The following MSLN variants were observed in gnomAD, a reference collection of about 807,000 sequenced individuals.
MSLN encodes the protein CAK1 antigen.
A neutral mutation model predicts 72.6 loss-of-function variants in MSLN; 82 were observed. That is an observed-to-expected ratio of 1.13 (90% confidence interval 0.94 to 1.36). The LOEUF is 1.36. MSLN is among the 40% of genes most tolerant of loss of function. The pLI is 0.00. For synonymous variants in MSLN, 456 were observed against 387.3 expected (o/e 1.18, Z -2.08); for missense variants, 1,005 against 847.9 (o/e 1.19, Z -2.30).
In MSLN at chr16:765,335, C is replaced by T. The variant is rs769164156; in HGVS notation, c.704+32C>T. ...GAAGGTGTCTGGAACCTCGAAGGCTCACCTGGCGGCGTGGTATCAGCAGCG... is the reference window on the plus strand; with the variant it reads ...GAAGGTGTCTGGAACCTCGAAGGCTTACCTGGCGGCGTGGTATCAGCAGCG... On this transcript the variant is annotated intron_variant, in intron 9 of 17. Coordinates refer to ENST00000545450, the MANE Select transcript of MSLN (RefSeq NM_005823.6). 11 of 1,519,406 alleles carry T rather than the reference C, an allele frequency of 7.2e-6. No homozygotes were observed. The African/African-American group carries it at 1.2e-4, about 17-fold the overall frequency. 94.1% of individuals were successfully genotyped at this position (1,519,406 alleles called of 1,614,324 possible).
chr16:767,276 A>G, intron 15 of MSLN, 100 bp from the exon 16 acceptor site: 2 of 1,199,764 alleles, frequency 1.7e-6, no homozygotes, highest in South Asian at 1.2e-5. Context: ...CTAAGGAAAA[A>G]GGGAAGCCCT....
intron 5 of MSLN, 63 bp downstream of exon 5, chr16:763,754 G>GCCCT: frequency 9.2e-6 from 5 of 546,266 alleles, no homozygotes; most frequent in Non-Finnish European, 1.1e-5. Context: ...GACTGAGGGT[G>GCCCT]GGCAGGGCAC....
chr16:763,001 G>T (rs2041555382), intron 3 of MSLN, among the ~76,000 whole-genome samples: 1 of 152,214 alleles, frequency 6.6e-6, no homozygotes, highest in Non-Finnish European at 1.5e-5. Context: ...CGGCCAAGCA[G>T]CCGGGTCTCA....
In MSLN at chr16:764,064, T is replaced by C. The variant is rs771023226; in HGVS notation, c.221T>C (p.Val74Ala). ...RQLLGFPCAE[V>A]SGLSTERVRE... ...CTCCTTGGCTTCCCGTGTGCGGAGG[T>C]GTCCGGCCTGAGCACGGAGCGTGTC... The change falls in exon 6 of 18, where the codon GTG becomes GCG. Residue 74 changes from valine to alanine, a missense_variant. Physicochemically the swap from Val to Ala is moderately conservative, Grantham distance 64. Coordinates refer to ENST00000545450, the MANE Select transcript of MSLN (RefSeq NM_005823.6). The C allele has an allele frequency of 1.9e-6, 3 of 1,605,230 alleles. No homozygotes were observed. In the African/African-American group the frequency reaches 4.0e-5, roughly 21 times the overall value.
chr16:764,364 T>C (rs1204871130), intron 6 of MSLN, among the ~76,000 whole-genome samples: 14 of 152,192 alleles, frequency 9.2e-5, no homozygotes, highest in African/African-American at 4.8e-5. Flanking sequence ...TATGACGCTG[T>C]GTGCTGGGCC....
At chr16:768,042 A>G (rs868762429) in intron 16 of MSLN, among the ~76,000 whole-genome samples, 23 of 32,610 alleles carry the variant, frequency 7.1e-4, no homozygotes, top group South Asian at 1.7e-3. Flanking sequence ...GGGCGCGTGG[A>G]GGGGGCGCGT....
chr16:763,403 C>T (rs1418922056), intron 4 of MSLN, 127 bp downstream of exon 4: 3 of 914,282 alleles, frequency 3.3e-6, no homozygotes, highest in Non-Finnish European at 5.0e-6. Flanking sequence ...CAAAGGGGCA[C>T]CTGGACCTGC....
At chr16:768,258 C>T in intron 16 of MSLN, 121 bp from the exon 17 acceptor site, 1 of 1,031,688 alleles carries the variant, frequency 9.7e-7, no homozygotes, top group Non-Finnish European at 1.4e-6. Flanking sequence ...CCTCCGAAGT[C>T]TGGAGAGGCT....
rs780605061 is a variant in MSLN at position 766,793 on chromosome 16, G to GC, written c.1362dup (p.Ser455GlnfsTer15). On this transcript the variant is annotated frameshift_variant, in exon 14 of 18. Transcript: ENST00000545450. LOFTEE classifies it high-confidence loss of function. ...TCAGCCCCGAGGAGCTGAGCTCCGT[G>GC]CCCCCCAGCAGCATCTGGTGAGTCC... The GC allele has an allele frequency of 1.9e-6, 3 of 1,612,364 alleles. No individual in the cohort carries two copies. The highest frequency in any genetic ancestry group is 1.7e-5 in the Admixed American group (1 of 59,996).
chr16:763,178 G>T, intron 3 of MSLN, 55 bp from the exon 4 acceptor site: 1 of 1,247,958 alleles, frequency 8.0e-7, no homozygotes, highest in Non-Finnish European at 1.1e-6. Flanking sequence ...CCCTGGGTCA[G>T]GGCACAGCCC....
chr16:764,954 G>A lies in MSLN; in HGVS notation c.428G>A (p.Arg143His), dbSNP rs147793202. The A allele has an allele frequency of 6.6e-5, 107 of 1,612,396 alleles. No individual in the cohort carries two copies. Among genetic ancestry groups the A allele is most frequent in the East Asian group, 2.7e-4 (12 of 44,878 alleles). The change falls in exon 8 of 18, where the codon CGC (arginine) becomes CAC (histidine). Residue 143 changes from arginine (R) to histidine (H), a missense_variant. Coordinates refer to ENST00000545450, the MANE Select transcript of MSLN (RefSeq NM_005823.6). Reference sequence around the variant, plus strand: ...CAGGCCTGCACCCGTTTCTTCTCCCGCATCACGAAGGCCAATGTGGACCTG... The same window carrying A: ...CAGGCCTGCACCCGTTTCTTCTCCCACATCACGAAGGCCAATGTGGACCTG... ...GPQACTRFFS[R>H]ITKANVDLLP...
In MSLN at chr16:763,339, T is replaced by C. The variant is rs73491249; in HGVS notation, c.129+63T>C. On this transcript the variant is annotated intron_variant, in intron 4 of 17. Transcript: ENST00000545450. ...GGTCCCAGGTGGGGGTGCCATGCTG[T>C]GTTCTCTCTGTCACGTATCCACGGT... 1.0e-4 allele frequency: 136 copies of C among 1,330,172 alleles called. 2 individuals are homozygous for C. In the African/African-American group the frequency reaches 1.5e-3, roughly 15 times the overall value. The allele number at this position is 1,330,172 out of a possible 1,614,324, so 82.4% of individuals were successfully genotyped here.
chr16:764,863 G>C, intron 7 of MSLN, 44 bp from the exon 8 acceptor site: 4 of 1,603,384 alleles, frequency 2.5e-6, no homozygotes, highest in Non-Finnish European at 3.4e-6. Context: ...GGGTGGGGAC[G>C]GGTGTGATCA....
rs1356574895 is a variant in MSLN, at chr16:761,128, G to C, written c.-56G>C. ...CCACTCCCGTCTGCTGTGACGCGCG[G>C]ACAGAGAGCTACCGGTGGACCCACG... On this transcript the variant is annotated 5_prime_UTR_variant, in exon 2 of 18. Coordinates refer to ENST00000545450, the MANE Select transcript of MSLN (RefSeq NM_005823.6). 3 of 152,446 alleles carry C rather than the reference G, an allele frequency of 2.0e-5. No homozygotes were observed. The highest frequency in any genetic ancestry group is 7.2e-5 in the African/African-American group (3 of 41,466). The allele number at this position is 152,446 out of a possible 1,614,324, so 9.4% of individuals were successfully genotyped here.
rs756652345 is a variant in MSLN at position 765,219 on chromosome 16, G to A, written c.620G>A (p.Arg207Gln). The A allele has an allele frequency of 8.8e-6, 14 of 1,587,244 alleles. No homozygotes were observed. Among genetic ancestry groups the A allele is most frequent in the East Asian group, 4.5e-5 (2 of 44,174 alleles). Residue 207 changes from arginine to glutamine, a missense_variant, in exon 9 of 18, where the codon CGG (arginine) becomes CAG (glutamine). Arg to Gln is a conservative substitution (Grantham distance 43). Coordinates refer to ENST00000545450, the MANE Select transcript of MSLN (RefSeq NM_005823.6). ...VAESAEVLLP[R>Q]LVSCPGPLDQ... Reference sequence around the variant, plus strand: ...GAGTCGGCCGAAGTGCTGCTACCCCGGCTGGTGAGCTGCCCGGGACCCCTG... The same window carrying A: ...GAGTCGGCCGAAGTGCTGCTACCCCAGCTGGTGAGCTGCCCGGGACCCCTG...
At position 765,848 on chromosome 16, in the gene MSLN, G is replaced by A. The variant is rs1163711079; in HGVS notation, c.895+58G>A. 5 of 1,524,756 alleles carry A rather than the reference G, an allele frequency of 3.3e-6. No individual in the cohort carries two copies. In the African/African-American group the frequency reaches 6.8e-5, roughly 21 times the overall value. 94.5% of individuals were successfully genotyped at this position (1,524,756 alleles called of 1,614,324 possible). A position where few individuals can be genotyped will look rare whatever the true frequency, so the allele number is the denominator to read the frequency against. ...GGCTGGGCAGCACCCCTGGGGGTGG[G>A]CATCACTTTAGGGTCTCACCTGCCC... On this transcript the variant is annotated intron_variant, in intron 11 of 17. Coordinates refer to ENST00000545450, the MANE Select transcript of MSLN (RefSeq NM_005823.6).
Position 767,968 on chromosome 16 carries a change from C to G in MSLN, c.1597-411C>G, listed in dbSNP as rs542671995. Among the ~76,000 whole-genome samples the G allele has an allele frequency of 4.5e-3, 51 of 11,400 alleles. 3 individuals carry two copies. The highest frequency in any genetic ancestry group is 0.029 in the African/African-American group (16 of 552). The allele number at this position is 11,400 out of a possible 152,430, so 7.5% of individuals were successfully genotyped here. On this transcript the variant is annotated intron_variant, in intron 16 of 17. Coordinates refer to ENST00000545450, the MANE Select transcript of MSLN (RefSeq NM_005823.6). ...GTGGAGGAGGGGCGCGTGGAGGGGG[C>G]CGTGTGGGGGGGCGTGGAGGGGGGC...
chr16:762,562 A>G, intron 2 of MSLN, 110 bp from the exon 3 acceptor site: 2 of 786,788 alleles, frequency 2.5e-6, no homozygotes, highest in South Asian at 3.0e-5. Flanking sequence ...CAGGTACCAC[A>G]GAAGTTTGCT....
intron 16 of MSLN, 76 bp from the exon 17 acceptor site, chr16:768,303 C>T (rs1166047658): frequency 7.0e-7 from 1 of 1,430,412 alleles, no homozygotes; most frequent in African/African-American, 1.4e-5. Context: ...AGTTTGGACA[C>T]AGGAGAGCCT....
Sources: gnomAD v4.1 joint callset for allele counts (sites outside exome capture counted in the v4.1 genomes callset) on GRCh38, gnomAD v4.1.1 for gene constraint, MANE v1.5 for transcripts, NCBI Gene and HGNC (gene_info 2026-07-23, HGNC 2026-07-21) for gene names.